Variants in PPP2R5C observed in about 807,000 individuals in gnomAD.
The protein encoded by PPP2R5C is protein phosphatase 2 regulatory subunit B'gamma, also known as serine/threonine-protein phosphatase 2A 56 kDa regulatory subunit gamma isoform.
In PPP2R5C, 7 loss-of-function variants were observed where a neutral mutation model predicts 68.9. The ratio of observed to expected loss-of-function variants is 0.10; its 90% CI spans 0.06 to 0.19. The LOEUF is 0.19. Among genes scored for constraint, PPP2R5C ranks in the 10% least tolerant of loss-of-function variants. PPP2R5C has a pLI of 1.00. For synonymous variants in PPP2R5C, 210 were observed against 222.2 expected, an observed-to-expected ratio of 0.95 and a Z score of 0.49; for missense variants, 348 against 641.3, an observed-to-expected ratio of 0.54 and a Z score of 4.94.
At chr14:101,927,445 G>A (rs1267329848) in exon 14 of PPP2R5C, 7 of 152,728 alleles carry the variant, frequency 4.6e-5, no homozygotes. Context: ...TCATTGTATA[G>A]AGACTGTTTA....
At chr14:101,827,914 G>A (rs1199248566) in intron 1 of PPP2R5C, among the ~76,000 whole-genome samples, 1 of 151,886 alleles carries the variant, frequency 6.6e-6, no homozygotes, top group Non-Finnish European at 1.5e-5. Context: ...TATTGGAAGT[G>A]AGATACTGTC....
At chr14:101,896,267 G>A (rs556712352) in intron 8 of PPP2R5C, among the ~76,000 whole-genome samples, 9 of 151,352 alleles carry the variant, frequency 5.9e-5, no homozygotes, top group South Asian at 4.2e-4. Context: ...TGATCCACCC[G>A]CCTCAGCCTC....
At chr14:101,817,859 T>G (rs1349271526) in intron 1 of PPP2R5C, among the ~76,000 whole-genome samples, 1 of 152,150 alleles carries the variant, frequency 6.6e-6, no homozygotes, top group Non-Finnish European at 1.5e-5. Flanking sequence ...GCCTGGAGTG[T>G]CGTGAGACTC....
intron 1 of PPP2R5C, chr14:101,833,333 A>G (rs1010780227): frequency 3.3e-5 from 5 of 152,414 alleles, no homozygotes; most frequent in Admixed American, 6.5e-5. Flanking sequence ...TCTGGTAATG[A>G]GGAGTCTTGC....
chr14:101,819,885 G>C (rs1364578172), intron 1 of PPP2R5C: 1 of 152,254 alleles, frequency 6.6e-6, no homozygotes, highest in African/African-American at 2.4e-5. Flanking sequence ...TGGCCTCCCA[G>C]AGTGCTGGGA....
intron 2 of PPP2R5C, among the ~76,000 whole-genome samples, chr14:101,873,813 T>C (rs2140811030): frequency 6.6e-6 from 1 of 152,308 alleles, no homozygotes; most frequent in South Asian, 2.1e-4. Context: ...TACTACAACC[T>C]AAAAATCTAT....
At chr14:101,878,576 G>T (rs914854673) in intron 2 of PPP2R5C, among the ~76,000 whole-genome samples, 11 of 152,348 alleles carry the variant, frequency 7.2e-5, no homozygotes, top group African/African-American at 2.6e-4. Flanking sequence ...GAGAGACAGA[G>T]ATTGAGATCT....
In PPP2R5C at chr14:101,891,897, G is replaced by A. The variant is rs143415141; in HGVS notation, c.690-1103G>A. On this transcript the variant is annotated intron_variant, in intron 6 of 13. Transcript: ENST00000334743. The surrounding 1 kb of genome is among the most constrained non-coding windows in gnomAD (Gnocchi z 4.9). Reference sequence around the variant, plus strand: ...TGTTTGAGACAAAAACTTTGCTTTGGAGGCTCTAGGTAGGACCTCTTTTCT... The same window carrying A: ...TGTTTGAGACAAAAACTTTGCTTTGAAGGCTCTAGGTAGGACCTCTTTTCT... 2.6e-3 allele frequency among the ~76,000 whole-genome samples: 393 copies of A among 152,318 alleles called. 2 individuals are homozygous for A. The highest frequency in any genetic ancestry group is 3.3e-3 in the Non-Finnish European group (226 of 68,024).
At chr14:101,867,103 GCTA>G (rs1475658353) in intron 2 of PPP2R5C, among the ~76,000 whole-genome samples, 2 of 151,840 alleles carry the variant, frequency 1.3e-5, no homozygotes, top group African/African-American at 4.8e-5. Flanking sequence ...TGTAATCTCA[GCTA>G]CTCGGGAGGC....
At chr14:101,795,708 C>T (rs1465745112) in intron 3 of PPP2R5C, among the ~76,000 whole-genome samples, 6 of 152,206 alleles carry the variant, frequency 3.9e-5, no homozygotes, top group Non-Finnish European at 8.8e-5. Flanking sequence ...GAAGTCATTA[C>T]ATTATTGTTA....
At position 101,872,564 on chromosome 14, in the gene PPP2R5C, T is replaced by C. The variant is rs540969847; in HGVS notation, c.295-9597T>C. ...GTTTTGAAAGATCTGCTTGCTGGTA[T>C]AGAATTCCGTGTCGACCGTTTTATC... On this transcript the variant is annotated intron_variant, in intron 2 of 13. Transcript: ENST00000334743. Among the ~76,000 whole-genome samples, 18 of 152,292 alleles carry C rather than the reference T, an allele frequency of 1.2e-4. No homozygotes were observed. The East Asian group carries it at 3.3e-3, about 28-fold the overall frequency.
intron 2 of PPP2R5C, among the ~76,000 whole-genome samples, chr14:101,868,450 C>A (rs2043209188): frequency 6.6e-6 from 1 of 152,230 alleles, no homozygotes; most frequent in Admixed American, 6.5e-5. Context: ...CTACCCATCT[C>A]TACCTCCAAT....
Position 101,916,535 on chromosome 14 carries a change from T to C in PPP2R5C, c.1327-1296T>C, listed in dbSNP as rs941633. ...GTTCAGGGCTGAATGATGGCGTCCA[T>C]GGTCATCATTCCTCAGAGAGGCCCA... On this transcript the variant is annotated intron_variant, in intron 12 of 13. Coordinates refer to ENST00000334743, the Ensembl canonical transcript of PPP2R5C. The surrounding 1 kb of genome is among the most constrained non-coding windows in gnomAD (Gnocchi z 5.5). 0.34 allele frequency among the ~76,000 whole-genome samples: 52,090 copies of C among 151,980 alleles called. 12,696 individuals carry two copies. The highest frequency in any genetic ancestry group is 0.7 in the African/African-American group (29,017 of 41,432).
intron 3 of PPP2R5C, among the ~76,000 whole-genome samples, chr14:101,801,667 T>C (rs1371009358): frequency 6.6e-6 from 1 of 152,186 alleles, no homozygotes; most frequent in African/African-American, 2.4e-5. Flanking sequence ...AACTATGAAA[T>C]GTTGCTGAAA....
intron 2 of PPP2R5C, among the ~76,000 whole-genome samples, chr14:101,764,564 C>T (rs983226313): frequency 3.9e-5 from 6 of 152,136 alleles, no homozygotes; most frequent in Admixed American, 2.6e-4. Flanking sequence ...GTGGTTTATT[C>T]CAGCAAATCT....
chr14:101,925,403 G>T (rs2047247072), exon 14 of PPP2R5C: 1 of 1,398,772 alleles, frequency 7.1e-7, no homozygotes, highest in African/African-American at 1.5e-5. Flanking sequence ...AGGCAATAAC[G>T]TGCGTCCGCC....
At chr14:101,842,866 ATACT>A (rs1268483968) in intron 1 of PPP2R5C, among the ~76,000 whole-genome samples, 7 of 148,602 alleles carry the variant, frequency 4.7e-5, no homozygotes, top group South Asian at 2.1e-4. Context: ...ATGTCCTATC[ATACT>A]TACTTAAAAC....
At chr14:101,925,393 A>G (rs935408360) in exon 14 of PPP2R5C, 3 of 1,438,952 alleles carry the variant, frequency 2.1e-6, no homozygotes, top group Non-Finnish European at 2.8e-6. Flanking sequence ...CCCGTTCCGT[A>G]GGCAATAACG....
chr14:101,785,596 T>A (rs1265306338), intron 2 of PPP2R5C, among the ~76,000 whole-genome samples: 1 of 152,142 alleles, frequency 6.6e-6, no homozygotes, highest in Non-Finnish European at 1.5e-5. Context: ...CCTGTGTGAT[T>A]CCCTTGGACC....
Sources: gnomAD v4.1 joint callset for allele counts (sites outside exome capture counted in the v4.1 genomes callset) on GRCh38, gnomAD v4.1.1 for gene constraint, Gnocchi (gnomAD v3.1) non-coding constraint, MANE v1.5 for transcripts, NCBI Gene and HGNC (gene_info 2026-07-23, HGNC 2026-07-21) for gene names.